Variants in SNCAIP observed in about 807,000 individuals in gnomAD.
SNCAIP encodes synphilin-1.
SNCAIP carries 43 observed loss-of-function variants against 86.7 expected under a neutral mutation model. That is an observed-to-expected ratio of 0.50 (90% CI 0.39 to 0.64). SNCAIP has a LOEUF of 0.64. Ranked by LOEUF, SNCAIP falls within the 30% of genes least tolerant of loss-of-function variation. The probability of loss-of-function intolerance (pLI) is 0.00; values close to 1 mark genes in which losing one functional copy is unlikely to be tolerated. For synonymous variants in SNCAIP, 417 were observed against 427.2 expected (o/e 0.98, Z 0.29); for missense variants, 981 against 1,103.1 (o/e 0.89, Z 1.57).
chr5:122,432,890 G>A (rs304380), intron 6 of SNCAIP, among the ~76,000 whole-genome samples: 86,384 of 152,046 alleles, frequency 0.57, 24,761 homozygotes, highest in Non-Finnish European at 0.6. Flanking sequence ...ATTTAATTGT[G>A]TTTGTGGCAA....
At chr5:122,403,716 T>C (rs1772339630) in intron 2 of SNCAIP, 77 bp from the exon 3 acceptor site, 2 of 1,140,734 alleles carry the variant, frequency 1.8e-6, no homozygotes, top group African/African-American at 1.5e-5. Context: ...TATTGTGTTT[T>C]GTTTTTCTGG....
chr5:122,353,034 T>G (rs2152747631), intron 1 of SNCAIP, among the ~76,000 whole-genome samples: 1 of 152,298 alleles, frequency 6.6e-6, no homozygotes, highest in Admixed American at 6.5e-5. Context: ...TACCTGCTTG[T>G]GGTTCTGCCT....
intron 1 of SNCAIP, among the ~76,000 whole-genome samples, chr5:122,337,917 G>A (rs1756830067): frequency 6.6e-6 from 1 of 152,198 alleles, no homozygotes; most frequent in Non-Finnish European, 1.5e-5. Context: ...ATAGGGTACT[G>A]CTTGTGTCAG....
chr5:122,452,489 C>G (rs1356134676), intron 10 of SNCAIP, among the ~76,000 whole-genome samples: 1 of 152,200 alleles, frequency 6.6e-6, no homozygotes, highest in African/African-American at 2.4e-5. Flanking sequence ...AATCCCATTA[C>G]AATGAGGTCT....
chr5:122,320,220 C>G (rs376500916), intron 1 of SNCAIP, among the ~76,000 whole-genome samples: 9 of 152,342 alleles, frequency 5.9e-5, no homozygotes, highest in African/African-American at 2.2e-4. Flanking sequence ...AGTGACAGCA[C>G]TACTGGTTTG....
intron 1 of SNCAIP, among the ~76,000 whole-genome samples, chr5:122,367,674 G>A (rs534259541): frequency 6.6e-6 from 1 of 152,202 alleles, no homozygotes; most frequent in East Asian, 1.9e-4. Flanking sequence ...AGTGCATTCA[G>A]AATTCCAGTC....
intron 1 of SNCAIP, among the ~76,000 whole-genome samples, chr5:122,337,117 C>A (rs535426861): frequency 7.8e-4 from 118 of 152,256 alleles, no homozygotes; most frequent in African/African-American, 2.6e-3. Flanking sequence ...GCTTGATTCC[C>A]CCTCCAATGG....
intron 1 of SNCAIP, among the ~76,000 whole-genome samples, chr5:122,379,553 C>G (rs1766188447): frequency 6.8e-6 from 1 of 147,068 alleles, no homozygotes; most frequent in African/African-American, 2.5e-5. Flanking sequence ...CCTGATTGCC[C>G]TGGCCAGAAC....
chr5:122,324,424 C>G (rs1227216166), intron 1 of SNCAIP, among the ~76,000 whole-genome samples: 1 of 152,092 alleles, frequency 6.6e-6, no homozygotes, highest in Admixed American at 6.5e-5. Flanking sequence ...CTATAGAAAG[C>G]CAGTTGTTGA....
intron 1 of SNCAIP, among the ~76,000 whole-genome samples, chr5:122,360,070 A>T (rs765592989): frequency 1.6e-4 from 25 of 152,204 alleles, no homozygotes; most frequent in Admixed American, 3.3e-4. Flanking sequence ...GGGCTCTTTC[A>T]TGCAGAAAAA....
chr5:122,434,607 A>G (rs1378346183), intron 6 of SNCAIP, among the ~76,000 whole-genome samples: 2 of 152,258 alleles, frequency 1.3e-5, no homozygotes, highest in East Asian at 1.9e-4. Flanking sequence ...TGCATTTTTT[A>G]TGACCTAAAA....
At chr5:122,322,188 T>C (rs763579711) in intron 1 of SNCAIP, among the ~76,000 whole-genome samples, 3 of 152,260 alleles carry the variant, frequency 2.0e-5, no homozygotes, top group Non-Finnish European at 2.9e-5. Context: ...TGGAGATTTA[T>C]ATCCTATGTC....
intron 1 of SNCAIP, chr5:122,336,668 A>C (rs78785202): frequency 0.18 from 26,665 of 152,340 alleles, 2,436 homozygotes; most frequent in South Asian, 0.3. Context: ...TGGTGCAATT[A>C]TGGCTCTCTA....
At chr5:122,312,930 GT>G (rs1473391500) in intron 1 of SNCAIP, 2 of 152,190 alleles carry the variant, frequency 1.3e-5, no homozygotes, top group African/African-American at 4.8e-5. Context: ...GGTAAGTGGG[GT>G]GAACCCAATT....
In SNCAIP at chr5:122,451,017, C is replaced by G. The variant is rs1163757646; in HGVS notation, c.2170C>G (p.His724Asp). Residue 724 changes from histidine to aspartate, a missense_variant, in exon 10 of 11, where the codon CAC becomes GAC. By Grantham distance (81) the His-to-Asp change is moderately conservative. Transcript: ENST00000261368. ...AESLHLMIKK[H>D]TLASGGRRFP... The stretch of plus-strand genomic sequence containing the variant: ...AAGCCTGCACCTGATGATTAAGAAA[C>G]ACACCTTGGCATCAGGGGGACGCAG... 8 of 1,614,050 alleles carry G rather than the reference C, an allele frequency of 5.0e-6. No individual in the cohort carries two copies. Among genetic ancestry groups the G allele is most frequent in the Non-Finnish European group, 3.4e-6 (4 of 1,180,026 alleles).
intron 1 of SNCAIP, among the ~76,000 whole-genome samples, chr5:122,329,174 G>T (rs990447789): frequency 2.0e-5 from 3 of 150,576 alleles, no homozygotes; most frequent in Admixed American, 6.6e-5. Flanking sequence ...AGCACTTATT[G>T]TATACCAGAC....
chr5:122,419,979 G>T (rs1352151884), intron 3 of SNCAIP, among the ~76,000 whole-genome samples: 1 of 152,098 alleles, frequency 6.6e-6, no homozygotes, highest in Admixed American at 6.6e-5. Flanking sequence ...GCACAAAGTT[G>T]CCCTTCTTCC....
At chr5:122,348,527 C>T (rs1759092098) in intron 1 of SNCAIP, among the ~76,000 whole-genome samples, 1 of 152,074 alleles carries the variant, frequency 6.6e-6, no homozygotes, top group Admixed American at 6.6e-5. Flanking sequence ...CAGTTTGGGG[C>T]TGATTATAAG....
intron 5 of SNCAIP, among the ~76,000 whole-genome samples, chr5:122,427,678 C>A (rs1417630720): frequency 6.6e-6 from 1 of 152,122 alleles, no homozygotes; most frequent in Non-Finnish European, 1.5e-5. Flanking sequence ...TTGTTTTGAA[C>A]ACCAGTAACC....
Sources: gnomAD v4.1 joint callset for allele counts (sites outside exome capture counted in the v4.1 genomes callset) on GRCh38, gnomAD v4.1.1 for gene constraint, MANE v1.5 for transcripts, NCBI Gene and HGNC (gene_info 2026-07-23, HGNC 2026-07-21) for gene names.